UBE2W: variants seen among roughly 807,000 people sequenced by gnomAD.
The protein encoded by UBE2W is ubiquitin conjugating enzyme E2 W, also known as ubiquitin-conjugating enzyme E2 W.
UBE2W carries 18 observed loss-of-function variants against 27.2 expected under a neutral mutation model. The ratio of observed to expected loss-of-function variants is 0.66; its 90% CI spans 0.46 to 0.98. The LOEUF (loss-of-function observed/expected upper bound fraction) is 0.98. UBE2W is among the 50% of genes least tolerant of loss of function. UBE2W has a pLI of 0.00. For synonymous variants in UBE2W, 53 were observed against 57.2 expected, an observed-to-expected ratio of 0.93 and a Z score of 0.33; for missense variants, 90 against 180.2, an observed-to-expected ratio of 0.50 and a Z score of 2.87.
downstream of UBE2W, among the ~76,000 whole-genome samples, chr8:73,785,830 C>T (rs1359347188): frequency 6.6e-6 from 1 of 152,198 alleles, no homozygotes; most frequent in Non-Finnish European, 1.5e-5. Context: ...ATCCACCTGC[C>T]CAAAGTACTG....
chr8:73,842,362 G>C (rs1034638909), intron 1 of UBE2W, among the ~76,000 whole-genome samples: 3 of 150,928 alleles, frequency 2.0e-5, no homozygotes, highest in Non-Finnish European at 4.4e-5. Flanking sequence ...ACCCTGTCTC[G>C]ACTAAAAATA....
intron 1 of UBE2W, among the ~76,000 whole-genome samples, chr8:73,854,001 T>C (rs1811182625): frequency 6.6e-6 from 1 of 152,010 alleles, no homozygotes; most frequent in Admixed American, 6.6e-5. Context: ...AATAAAAAAT[T>C]AGCTGGGCGT....
intron 5 of UBE2W, among the ~76,000 whole-genome samples, chr8:73,796,154 A>G (rs895641169): frequency 6.6e-6 from 1 of 152,088 alleles, no homozygotes; most frequent in Non-Finnish European, 1.5e-5. Flanking sequence ...TGGATATAAA[A>G]CAAACTTAGG....
At chr8:73,824,562 A>G (rs13275462) in intron 3 of UBE2W, among the ~76,000 whole-genome samples, 5,184 of 152,256 alleles carry the variant, frequency 0.034, 114 homozygotes, top group Non-Finnish European at 0.057. Flanking sequence ...GTGGTCCCCA[A>G]TCTTTTTGAC....
chr8:73,835,189 T>C (rs937584489), intron 1 of UBE2W, among the ~76,000 whole-genome samples: 9 of 151,530 alleles, frequency 5.9e-5, no homozygotes, highest in African/African-American at 2.2e-4. Context: ...TTTATTGGTA[T>C]ATCATCCCTG....
At chr8:73,825,286 T>C in intron 2 of UBE2W, 37 bp from the exon 3 acceptor site, 1 of 1,446,174 alleles carries the variant, frequency 6.9e-7, no homozygotes, top group South Asian at 1.2e-5. Context: ...CTTAAGATAA[T>C]AGAGACTGGG....
chr8:73,877,641 T>C (rs1463875066), intron 1 of UBE2W, among the ~76,000 whole-genome samples: 1 of 152,116 alleles, frequency 6.6e-6, no homozygotes, highest in African/African-American at 2.4e-5. Flanking sequence ...CAAAAAACAC[T>C]TCTAAGAAAA....
At chr8:73,803,250 T>C (rs1314047743) in intron 5 of UBE2W, among the ~76,000 whole-genome samples, 2 of 152,140 alleles carry the variant, frequency 1.3e-5, no homozygotes, top group East Asian at 1.9e-4. Flanking sequence ...ATACAAATAC[T>C]GAACCCACAA....
intron 1 of UBE2W, among the ~76,000 whole-genome samples, chr8:73,864,528 A>T (rs1563631850): frequency 1.3e-5 from 2 of 152,132 alleles, no homozygotes; most frequent in African/African-American, 2.4e-5. Flanking sequence ...GCCTCTGGTC[A>T]CATTATTTTC....
intron 1 of UBE2W, among the ~76,000 whole-genome samples, chr8:73,838,538 G>A (rs1037150973): frequency 6.6e-6 from 1 of 152,250 alleles, no homozygotes; most frequent in South Asian, 2.1e-4. Flanking sequence ...CCAGGAATTC[G>A]AGACCAGCCT....
chr8:73,850,016 A>T (rs1362309745), intron 1 of UBE2W, among the ~76,000 whole-genome samples: 1 of 152,202 alleles, frequency 6.6e-6, no homozygotes. Context: ...GACAATCTAC[A>T]AGTCTATCTT....
chr8:73,791,758 A>G lies in UBE2W; in HGVS notation c.*2344T>C, dbSNP rs1808212719. On this transcript the variant is annotated 3_prime_UTR_variant, in exon 6 of 6. Coordinates refer to ENST00000602593, the MANE Select transcript of UBE2W (RefSeq NM_018299.6). ...AATGTCTGTGCTCCTATATTTTAGG[A>G]TATTTCATCTTATTTTCTACTCTTT... 1 of 984,758 alleles carries G rather than the reference A, an allele frequency of 1.0e-6. No homozygotes were observed. Among genetic ancestry groups the G allele is most frequent in the African/African-American group, 1.7e-5 (1 of 57,212 alleles). 61.0% of individuals were successfully genotyped at this position (984,758 alleles called of 1,614,324 possible). A position where few individuals can be genotyped will look rare whatever the true frequency, so the allele number is the denominator to read the frequency against.
At chr8:73,865,798 A>AT (rs1404969377) in intron 1 of UBE2W, among the ~76,000 whole-genome samples, 1 of 152,094 alleles carries the variant, frequency 6.6e-6, no homozygotes, top group African/African-American at 2.4e-5. Flanking sequence ...TAATTTTAAA[A>AT]TTTTTTAAAT....
At chr8:73,781,642 T>G (rs557745803), downstream of UBE2W, among the ~76,000 whole-genome samples, 2 of 151,702 alleles carry the variant, frequency 1.3e-5, no homozygotes, top group South Asian at 4.2e-4. Context: ...TTTTTTATTT[T>G]TAAACAGTGT....
intron 1 of UBE2W, among the ~76,000 whole-genome samples, chr8:73,832,456 T>A (rs1389691410): frequency 1.3e-5 from 2 of 152,234 alleles, no homozygotes; most frequent in African/African-American, 4.8e-5. Flanking sequence ...CAGTAAGTTT[T>A]GCATAATGGC....
intron 1 of UBE2W, among the ~76,000 whole-genome samples, chr8:73,856,685 C>T (rs1163704885): frequency 6.6e-6 from 1 of 151,752 alleles, no homozygotes; most frequent in African/African-American, 2.4e-5. Context: ...ACTCTTTACA[C>T]AGAAGATTTC....
chr8:73,784,783 G>T, downstream of UBE2W, among the ~76,000 whole-genome samples: 1 of 152,108 alleles, frequency 6.6e-6, no homozygotes, highest in South Asian at 2.1e-4. Flanking sequence ...TGGGATGCTG[G>T]GGTAGTACTT....
chr8:73,782,782 T>C (rs532626962), downstream of UBE2W, among the ~76,000 whole-genome samples: 7 of 152,276 alleles, frequency 4.6e-5, no homozygotes, highest in East Asian at 7.7e-4. Context: ...CTTGGGCAAA[T>C]AGCTAGGTGT....
chr8:73,795,649 T>C (rs2130846816), intron 5 of UBE2W: 1 of 391,108 alleles, frequency 2.6e-6, no homozygotes, highest in East Asian at 1.6e-4. Flanking sequence ...ACTCATAGAG[T>C]ATTCCATGAT....
Sources: gnomAD v4.1 joint callset for allele counts (sites outside exome capture counted in the v4.1 genomes callset) on GRCh38, gnomAD v4.1.1 for gene constraint, MANE v1.5 for transcripts, NCBI Gene and HGNC (gene_info 2026-07-23, HGNC 2026-07-21) for gene names.